The following CPS1 variants were observed in gnomAD, a reference collection of about 807,000 sequenced individuals.
The protein encoded by CPS1 is carbamoyl-phosphate synthase [ammonia], mitochondrial.
CPS1 carries 109 observed loss-of-function variants against 174.6 expected under a neutral mutation model. That is an observed-to-expected ratio of 0.62 (90% CI 0.53 to 0.73). The LOEUF is 0.73. CPS1 is among the 30% of genes least tolerant of loss of function. CPS1 has a pLI of 0.00. For synonymous variants in CPS1, 637 were observed against 632.0 expected, an observed-to-expected ratio of 1.01 and a Z score of -0.12; for missense variants, 1,689 against 1,821.9, an observed-to-expected ratio of 0.93 and a Z score of 1.33.
chr2:210,601,101 A>AT (rs894802854), intron 15 of CPS1, among the ~76,000 whole-genome samples: 65 of 151,942 alleles, frequency 4.3e-4, no homozygotes, highest in African/African-American at 1.5e-3. Context: ...TTTGCTTTAA[A>AT]TTTTTTTTAA....
chr2:210,606,876 A>G lies in CPS1; in HGVS notation c.2127A>G (p.Glu709=), dbSNP rs1361124341. 1.2e-6 allele frequency: 2 copies of G among 1,612,624 alleles called. No individual in the cohort carries two copies. Among genetic ancestry groups the G allele is most frequent in the Admixed American group, 1.7e-5 (1 of 59,842 alleles). The stretch of plus-strand genomic sequence containing the variant: ...TTGCCCTTCATCCTACCTCAATGGA[A>G]TACTGCATCATTGAAGTGAATGCCA... ...IQFALHPTSM[E]YCIIEVNARL... Residue 709 remains glutamate (E), a synonymous_variant, in exon 18 of 38, where the codon GAA becomes GAG. Coordinates refer to ENST00000233072, the MANE Select transcript of CPS1 (RefSeq NM_001875.5).
At chr2:210,599,317 T>C in intron 13 of CPS1, 55 bp from the exon 14 acceptor site, 1 of 1,530,364 alleles carries the variant, frequency 6.5e-7, no homozygotes, top group Non-Finnish European at 9.0e-7. Context: ...TTAAGTGTGG[T>C]CATTCTCTTC....
intron 1 of CPS1, among the ~76,000 whole-genome samples, chr2:210,545,455 T>C (rs563149366): frequency 6.6e-6 from 1 of 152,052 alleles, no homozygotes; most frequent in Non-Finnish European, 1.5e-5. Flanking sequence ...GGCATTCTTA[T>C]TGGGTGTGGT....
At chr2:210,556,357 C>G, upstream of CPS1, 1 of 466,110 alleles carries the variant, frequency 2.1e-6, no homozygotes, top group Non-Finnish European at 4.3e-6. Flanking sequence ...AGTTGCTACT[C>G]TTTAGGATAA....
At chr2:210,592,777 T>C in intron 10 of CPS1, 102 bp from the exon 11 acceptor site, 2 of 1,159,176 alleles carry the variant, frequency 1.7e-6, no homozygotes, top group Non-Finnish European at 2.6e-6. Flanking sequence ...AGCATCTAAC[T>C]CAGTTTTTAA....
intron 5 of CPS1, 139 bp from the exon 6 acceptor site, chr2:210,582,478 G>A (rs1697955305): frequency 9.9e-6 from 7 of 706,034 alleles, no homozygotes; most frequent in Admixed American, 2.3e-5. Flanking sequence ...TTGAGAAGAT[G>A]AAGATCTTCC....
chr2:210,577,115 A>T (rs1026582491), intron 3 of CPS1: 1 of 372,394 alleles, frequency 2.7e-6, no homozygotes, highest in East Asian at 5.7e-5. Context: ...TTTGTTCATC[A>T]TGTGCATTAA....
At chr2:210,613,231 TCATCG>T (rs1352433033) in intron 20 of CPS1, among the ~76,000 whole-genome samples, 10 of 151,978 alleles carry the variant, frequency 6.6e-5, no homozygotes, top group African/African-American at 2.4e-4. Context: ...GATTTTGAAC[TCATCG>T]CAACTTTTAT....
intron 1 of CPS1, among the ~76,000 whole-genome samples, chr2:210,537,717 A>C (rs1428320135): frequency 6.6e-6 from 1 of 152,112 alleles, no homozygotes; most frequent in Non-Finnish European, 1.5e-5. Flanking sequence ...AGGATCAGAG[A>C]TGTTGTGATT....
chr2:210,548,010 GA>G (rs1280374310), intron 1 of CPS1, among the ~76,000 whole-genome samples: 1 of 151,944 alleles, frequency 6.6e-6, no homozygotes, highest in African/African-American at 2.4e-5. Context: ...TTAATTTATA[GA>G]AAAACAGACA....
chr2:210,674,139 C>T (rs1377454300), intron 34 of CPS1: 2 of 152,030 alleles, frequency 1.3e-5, no homozygotes, highest in Non-Finnish European at 2.9e-5. Context: ...GGAAAATGGC[C>T]TAGTTATTGA....
chr2:210,521,336 A>G (rs1004273635), intron 1 of CPS1, among the ~76,000 whole-genome samples: 1 of 150,598 alleles, frequency 6.6e-6, no homozygotes, highest in African/African-American at 2.4e-5. Context: ...TTTTTTCTCA[A>G]TTTTCAAGAT....
chr2:210,663,437 G>A (rs2105926511), intron 33 of CPS1, among the ~76,000 whole-genome samples: 1 of 152,204 alleles, frequency 6.6e-6, no homozygotes, highest in South Asian at 2.1e-4. Flanking sequence ...TTTCACATGA[G>A]AACATCTTCC....
rs775026158 is a variant in CPS1 at position 210,478,500 on chromosome 2, G to A, written c.3+734G>A. ...AAAGAGTTTTGTTTCTTTTTTTCCC[G>A]TGTTTGTGGGGTATATTCTGTATAT... is the stretch of plus-strand genomic sequence containing the variant. On this transcript the variant is annotated intron_variant, in intron 1 of 38. Transcript: ENST00000430249. 5.3e-5 allele frequency among the ~76,000 whole-genome samples: 8 copies of A among 151,850 alleles called. No individual in the cohort carries two copies. The South Asian group carries it at 6.2e-4, about 12-fold the overall frequency.
intron 20 of CPS1, among the ~76,000 whole-genome samples, chr2:210,615,107 T>A (rs138055468): frequency 3.8e-3 from 585 of 152,050 alleles, no homozygotes; most frequent in African/African-American, 0.013. Context: ...GACTACAGGA[T>A]TCTAGGCCCT....
intron 1 of CPS1, among the ~76,000 whole-genome samples, chr2:210,568,806 G>A (rs115275096): frequency 1.6e-3 from 237 of 152,154 alleles, no homozygotes; most frequent in Middle Eastern, 3.4e-3. Context: ...TTTTAGATAA[G>A]TTCCACCAAT....
In CPS1 at chr2:210,556,658, A is replaced by G. The variant is rs372753413; in HGVS notation, c.-76A>G. 1.2e-5 allele frequency: 19 copies of G among 1,595,232 alleles called. No individual in the cohort carries two copies. The highest frequency in any genetic ancestry group is 1.4e-5 in the Non-Finnish European group (16 of 1,170,346). On this transcript the variant is annotated 5_prime_UTR_variant, in exon 1 of 38. Coordinates refer to ENST00000233072, the MANE Select transcript of CPS1 (RefSeq NM_001875.5). ...TGCACCCCTCCCAGATTTCTTTTAC[A>G]TTAACTAAAAAGTCTTATCACACAA...
chr2:210,617,927 G>A (rs1699366616), intron 21 of CPS1: 1 of 151,972 alleles, frequency 6.6e-6, no homozygotes, highest in South Asian at 2.1e-4. Context: ...TAAGCCACAT[G>A]GGGGTGCTAG....
intron 1 of CPS1, among the ~76,000 whole-genome samples, chr2:210,479,312 G>A (rs1694496965): frequency 1.3e-5 from 2 of 148,700 alleles, no homozygotes; most frequent in Admixed American, 6.8e-5. Context: ...TGACTTCATT[G>A]AACCTTATCA....
Sources: gnomAD v4.1 joint callset for allele counts (sites outside exome capture counted in the v4.1 genomes callset) on GRCh38, gnomAD v4.1.1 for gene constraint, MANE v1.5 for transcripts, NCBI Gene and HGNC (gene_info 2026-07-23, HGNC 2026-07-21) for gene names.